C10orf67: variants seen among roughly 807,000 people sequenced by gnomAD.
C10orf67 encodes chromosome 10 open reading frame 67, also known as uncharacterized protein C10orf67, mitochondrial.
Under a neutral mutation model 35.6 loss-of-function variants are expected in C10orf67, and 60 were observed. That is an observed-to-expected ratio of 1.68 (90% CI 1.37 to 2.09). C10orf67 has a LOEUF of 2.09. C10orf67 is among the 30% of genes most tolerant of loss of function. The probability of loss-of-function intolerance (pLI) is 0.00; values close to 1 mark genes in which losing one functional copy is unlikely to be tolerated. For missense variants in C10orf67, 474 were observed against 330.2 expected, an observed-to-expected ratio of 1.44 and a Z score of -3.38; for synonymous variants, 167 against 115.8, an observed-to-expected ratio of 1.44 and a Z score of -2.84.
chr10:23,229,137 A>G (rs1841835354), intron 13 of C10orf67, among the ~76,000 whole-genome samples: 1 of 152,118 alleles, frequency 6.6e-6, no homozygotes, highest in Non-Finnish European at 1.5e-5. Context: ...ATGCACACGT[A>G]TGTTCACTGC....
At chr10:23,257,941 A>G (rs1225531779) in intron 10 of C10orf67, among the ~76,000 whole-genome samples, 1 of 152,132 alleles carries the variant, frequency 6.6e-6, no homozygotes, top group Non-Finnish European at 1.5e-5. Flanking sequence ...ATACACACAT[A>G]TGTGTATGGG....
chr10:23,212,825 CGT>C (rs1841345840), intron 15 of C10orf67, among the ~76,000 whole-genome samples: 2 of 88,172 alleles, frequency 2.3e-5, no homozygotes, highest in African/African-American at 7.6e-5. Flanking sequence ...GAGAGAGAGA[CGT>C]AAGCATGCAA....
At chr10:23,312,859 T>C (rs1844549851) in intron 4 of C10orf67, among the ~76,000 whole-genome samples, 1 of 152,178 alleles carries the variant, frequency 6.6e-6, no homozygotes, top group Non-Finnish European at 1.5e-5. Flanking sequence ...TTGAAGGCCT[T>C]CTCAGAAAAA....
At chr10:23,271,727 T>C (rs1003982607) in intron 8 of C10orf67, among the ~76,000 whole-genome samples, 1 of 152,240 alleles carries the variant, frequency 6.6e-6, no homozygotes, top group Non-Finnish European at 1.5e-5. Context: ...TCTTTTTAAA[T>C]AAAGTGCCTG....
At chr10:23,268,650 A>G (rs1383994364) in intron 8 of C10orf67, among the ~76,000 whole-genome samples, 1 of 152,250 alleles carries the variant, frequency 6.6e-6, no homozygotes, top group East Asian at 1.9e-4. Context: ...AATGGGTTTG[A>G]ACTCAAGCCT....
chr10:23,252,576 T>C (rs1018675877), intron 10 of C10orf67, among the ~76,000 whole-genome samples: 8 of 152,190 alleles, frequency 5.3e-5, no homozygotes, highest in Non-Finnish European at 1.0e-4. Flanking sequence ...GAAGGCAGAC[T>C]TGAGAGAAAT....
At chr10:23,235,032 A>AG (rs1169202129) in intron 13 of C10orf67, among the ~76,000 whole-genome samples, 1 of 148,212 alleles carries the variant, frequency 6.7e-6, no homozygotes, top group Non-Finnish European at 1.5e-5. Flanking sequence ...AAAAAAAAAA[A>AG]GCTAAATAAA....
chr10:23,258,950 T>G (rs1471108750), intron 10 of C10orf67, among the ~76,000 whole-genome samples: 1 of 152,254 alleles, frequency 6.6e-6, no homozygotes, highest in Non-Finnish European at 1.5e-5. Flanking sequence ...GAATACAGTA[T>G]GTCTTTTTAA....
chr10:23,226,648 G>A (rs565850347), intron 13 of C10orf67, among the ~76,000 whole-genome samples: 1 of 152,226 alleles, frequency 6.6e-6, no homozygotes, highest in East Asian at 1.9e-4. Context: ...AATGAATCCA[G>A]GAGGTGGTTT....
intron 1 of C10orf67, among the ~76,000 whole-genome samples, chr10:23,339,521 C>T (rs767249616): frequency 1.3e-5 from 2 of 151,586 alleles, no homozygotes; most frequent in Non-Finnish European, 2.9e-5. Context: ...CAGCAAGTTT[C>T]GCAGCCACTG....
chr10:23,230,474 A>G (rs1841878205), intron 13 of C10orf67, among the ~76,000 whole-genome samples: 1 of 152,176 alleles, frequency 6.6e-6, no homozygotes, highest in South Asian at 2.1e-4. Context: ...TAACATTAAT[A>G]TTGAGAACAT....
chr10:23,242,321 C>T (rs2132142802), intron 12 of C10orf67, among the ~76,000 whole-genome samples: 1 of 152,204 alleles, frequency 6.6e-6, no homozygotes, highest in Admixed American at 6.5e-5. Context: ...GAACCCTATA[C>T]TTGGCAAAAA....
At position 23,228,562 on chromosome 10, in the gene C10orf67, T is replaced by C. The variant is rs191181810; in HGVS notation, c.1435-4744A>G. 5.3e-5 allele frequency among the ~76,000 whole-genome samples: 8 copies of C among 152,194 alleles called. No individual in the cohort carries two copies. The East Asian group carries it at 1.5e-3, about 29-fold the overall frequency. The stretch of plus-strand genomic sequence containing the variant: ...TTCATCTCTAAAACACCAAAAGCAA[T>C]GGCAACAAAAGCCAAAATTGATGAA... On this transcript the variant is annotated intron_variant, in intron 13 of 15. Transcript: ENST00000636213.
chr10:23,222,362 A>C (rs1404167303), intron 15 of C10orf67, among the ~76,000 whole-genome samples: 2 of 152,188 alleles, frequency 1.3e-5, no homozygotes, highest in African/African-American at 4.8e-5. Context: ...ATGGTTAATT[A>C]AACTTCCTAA....
At chr10:23,267,282 G>T (rs1451952129) in intron 8 of C10orf67, 28 bp from the exon 9 acceptor site, 7 of 687,032 alleles carry the variant, frequency 1.0e-5, no homozygotes, top group Non-Finnish European at 1.9e-5. Context: ...CATATCATTG[G>T]TTATTATCTG....
At chr10:23,339,227 C>T (rs1255411286) in intron 1 of C10orf67, among the ~76,000 whole-genome samples, 1 of 151,892 alleles carries the variant, frequency 6.6e-6, no homozygotes, top group Non-Finnish European at 1.5e-5. Context: ...GAAACAAAGG[C>T]AGAAAAGGGA....
intron 8 of C10orf67, among the ~76,000 whole-genome samples, chr10:23,275,311 C>T (rs965075602): frequency 1.3e-5 from 2 of 152,108 alleles, no homozygotes; most frequent in Non-Finnish European, 2.9e-5. Flanking sequence ...CTATCAAGAT[C>T]GCATCTCTTA....
intron 5 of C10orf67, among the ~76,000 whole-genome samples, chr10:23,294,965 A>G (rs745921469): frequency 7.9e-5 from 12 of 152,218 alleles, no homozygotes; most frequent in Non-Finnish European, 1.5e-4. Context: ...GATATAAGCT[A>G]TGACCTGCCT....
chr10:23,273,657 T>G (rs139750626), intron 8 of C10orf67, among the ~76,000 whole-genome samples: 198 of 152,296 alleles, frequency 1.3e-3, no homozygotes, highest in African/African-American at 4.6e-3. Context: ...AATGTTCCAT[T>G]GTGGGACACA....
Sources: allele counts gnomAD v4.1 joint callset (sites outside exome capture counted in the v4.1 genomes callset), GRCh38; gene constraint gnomAD v4.1.1; transcripts MANE v1.5; gene names NCBI Gene and HGNC (gene_info 2026-07-23, HGNC 2026-07-21).